Variants in DIS3L2 observed in about 807,000 individuals in gnomAD.
The protein encoded by DIS3L2 is DIS3-like exonuclease 2.
Under a neutral mutation model 97.5 loss-of-function variants are expected in DIS3L2, and 34 were observed. That is an observed-to-expected ratio of 0.35 (90% CI 0.27 to 0.46). The LOEUF is 0.46. DIS3L2 is among the 20% of genes least tolerant of loss of function. The pLI is 1.00. For missense variants in DIS3L2, 1,038 were observed against 1,146.0 expected (o/e 0.91, Z 1.36); for synonymous variants, 435 against 445.2 (o/e 0.98, Z 0.29).
intron 1 of DIS3L2, among the ~76,000 whole-genome samples, chr2:231,987,011 T>C (rs1693431715): frequency 6.6e-6 from 1 of 152,202 alleles, no homozygotes. Flanking sequence ...TATGGTACTT[T>C]ATGGAAGTAT....
rs559934194 is a variant in DIS3L2, at chr2:232,082,312, T to G, written c.367-5175T>G. On this transcript the variant is annotated intron_variant, in intron 5 of 20. Coordinates refer to ENST00000325385, the MANE Select transcript of DIS3L2 (RefSeq NM_152383.5). ...ACTTAATTTATTAAGTCCTATTACC[T>G]CAGGAGTCTCCAGCCCCTGGGCCAT... 4.6e-5 allele frequency among the ~76,000 whole-genome samples: 7 copies of G among 152,336 alleles called. No homozygotes were observed. The East Asian group carries it at 9.6e-4, about 21-fold the overall frequency.
At chr2:232,090,580 T>C (rs1184759846) in intron 6 of DIS3L2, among the ~76,000 whole-genome samples, 1 of 152,240 alleles carries the variant, frequency 6.6e-6, no homozygotes. Flanking sequence ...AAAATCTGGT[T>C]ACCATTAGGA....
intron 5 of DIS3L2, among the ~76,000 whole-genome samples, chr2:232,084,926 C>T (rs753535540): frequency 2.2e-4 from 33 of 151,368 alleles, no homozygotes; most frequent in Non-Finnish European, 4.9e-4. Flanking sequence ...CTTTGGTTTT[C>T]TGAGTTGATA....
intron 13 of DIS3L2, among the ~76,000 whole-genome samples, chr2:232,291,716 A>G (rs1168946813): frequency 1.3e-5 from 2 of 152,202 alleles, no homozygotes; most frequent in Non-Finnish European, 2.9e-5. Context: ...CTAGCATCCT[A>G]GGTTCCCCTG....
At chr2:232,007,989 A>G (rs891548089) in intron 1 of DIS3L2, among the ~76,000 whole-genome samples, 3 of 151,958 alleles carry the variant, frequency 2.0e-5, no homozygotes, top group African/African-American at 7.2e-5. Flanking sequence ...TTTACTTGTT[A>G]TATGTCTATT....
chr2:232,177,247 A>G (rs1226368218), intron 9 of DIS3L2, among the ~76,000 whole-genome samples: 1 of 144,808 alleles, frequency 6.9e-6, no homozygotes, highest in African/African-American at 2.6e-5. Flanking sequence ...GCTATTGTGA[A>G]TAATGCCGCA....
At chr2:232,258,126 G>A (rs900187366) in intron 12 of DIS3L2, among the ~76,000 whole-genome samples, 1 of 152,182 alleles carries the variant, frequency 6.6e-6, no homozygotes, top group Non-Finnish European at 1.5e-5. Flanking sequence ...TTACAGTGCT[G>A]TAGTACATAA....
intron 1 of DIS3L2, among the ~76,000 whole-genome samples, chr2:231,989,357 G>GTGTGTGTA (rs1174991952): frequency 6.6e-6 from 1 of 151,738 alleles, no homozygotes; most frequent in Admixed American, 6.6e-5. Flanking sequence ...GTGTGTGTGT[G>GTGTGTGTA]TGTGTGTGTG....
chr2:232,109,015 T>G (rs1023333732), intron 6 of DIS3L2, among the ~76,000 whole-genome samples: 2 of 152,196 alleles, frequency 1.3e-5, no homozygotes, highest in Non-Finnish European at 2.9e-5. Flanking sequence ...GCTATTCCCA[T>G]TAAACTACCA....
chr2:232,227,336 C>T (rs1692677486), intron 10 of DIS3L2, among the ~76,000 whole-genome samples: 1 of 152,182 alleles, frequency 6.6e-6, no homozygotes, highest in South Asian at 2.1e-4. Flanking sequence ...TGGTTAGGAG[C>T]TCCAGTTTTG....
intron 10 of DIS3L2, among the ~76,000 whole-genome samples, chr2:232,237,442 A>G (rs1369640234): frequency 1.3e-5 from 2 of 152,354 alleles, no homozygotes; most frequent in East Asian, 1.9e-4. Flanking sequence ...TCATTCAACA[A>G]GTACTTCTTG....
intron 9 of DIS3L2, among the ~76,000 whole-genome samples, chr2:232,171,142 C>T (rs954021624): frequency 2.6e-5 from 4 of 152,104 alleles, no homozygotes; most frequent in East Asian, 3.9e-4. Context: ...AGTGGAGAGC[C>T]GTGAGCAATT....
intron 1 of DIS3L2, chr2:231,978,779 C>G (rs1267685142): frequency 6.6e-6 from 1 of 152,204 alleles, no homozygotes; most frequent in African/African-American, 2.4e-5. Flanking sequence ...GCTTCTTTAC[C>G]TTGTGTATAA....
chr2:232,103,001 G>C (rs918173678), intron 6 of DIS3L2, among the ~76,000 whole-genome samples: 4 of 152,030 alleles, frequency 2.6e-5, no homozygotes, highest in African/African-American at 9.7e-5. Flanking sequence ...TAACTTATTT[G>C]AGTTAACAGT....
intron 8 of DIS3L2, among the ~76,000 whole-genome samples, chr2:232,144,929 C>T (rs1036208578): frequency 4.6e-5 from 7 of 152,178 alleles, no homozygotes; most frequent in African/African-American, 1.4e-4. Context: ...TGCATCTTAT[C>T]GGGGGCACAT....
chr2:231,980,257 G>C (rs1693214902), intron 1 of DIS3L2, among the ~76,000 whole-genome samples: 1 of 152,134 alleles, frequency 6.6e-6, no homozygotes, highest in Non-Finnish European at 1.5e-5. Context: ...GAGTGTGACT[G>C]GTAGTACTTC....
At chr2:232,078,189 G>A (rs1574856824) in intron 5 of DIS3L2, among the ~76,000 whole-genome samples, 1 of 151,688 alleles carries the variant, frequency 6.6e-6, no homozygotes, top group Non-Finnish European at 1.5e-5. Context: ...GACTACAGGC[G>A]CGTGCCACTA....
chr2:232,343,536 G>A (rs1162466206), exon 14 of DIS3L2: 18 of 1,563,362 alleles, frequency 1.2e-5, no homozygotes, highest in Middle Eastern at 1.7e-4. Context: ...CCCAAAACAC[G>A]ATAAGAGTAG....
chr2:232,219,751 T>C (rs1321998012), intron 10 of DIS3L2, among the ~76,000 whole-genome samples: 1 of 152,170 alleles, frequency 6.6e-6, no homozygotes, highest in East Asian at 1.9e-4. Flanking sequence ...CCCTACAGGC[T>C]TCCACAGCAA....
Sources: gnomAD v4.1 joint callset for allele counts (sites outside exome capture counted in the v4.1 genomes callset) on GRCh38, gnomAD v4.1.1 for gene constraint, MANE v1.5 for transcripts, NCBI Gene and HGNC (gene_info 2026-07-23, HGNC 2026-07-21) for gene names.